SPAG16: variants seen among roughly 807,000 people sequenced by gnomAD.
SPAG16 encodes the protein sperm associated antigen 16.
A neutral mutation model predicts 80.4 loss-of-function variants in SPAG16; 86 were observed. The observed-to-expected ratio is 1.07, with a 90% CI of 0.90 to 1.28. The LOEUF is 1.28. Among genes scored for constraint, SPAG16 ranks in the 50% most tolerant of loss-of-function variants. The probability of loss-of-function intolerance (pLI) is 0.00; values close to 1 mark genes in which losing one functional copy is unlikely to be tolerated. For synonymous variants in SPAG16, 294 were observed against 265.9 expected, an observed-to-expected ratio of 1.11 and a Z score of -1.03; for missense variants, 870 against 765.3, an observed-to-expected ratio of 1.14 and a Z score of -1.61.
chr2:213,650,399 G>T (rs563463638), intron 10 of SPAG16, among the ~76,000 whole-genome samples: 1 of 152,018 alleles, frequency 6.6e-6, no homozygotes, highest in Non-Finnish European at 1.5e-5. Flanking sequence ...TCATTCTAAC[G>T]GTTACAAAGT....
chr2:214,397,085 C>T (rs1182083897), intron 15 of SPAG16, among the ~76,000 whole-genome samples: 1 of 151,414 alleles, frequency 6.6e-6, no homozygotes, highest in East Asian at 1.9e-4. Context: ...TGTATGAATG[C>T]CACTGAGATA....
At chr2:213,993,136 GAC>G (rs796566548) in intron 12 of SPAG16, among the ~76,000 whole-genome samples, 15 of 152,304 alleles carry the variant, frequency 9.8e-5, no homozygotes, top group African/African-American at 3.4e-4. Context: ...GAAACTAAGA[GAC>G]AGCTTACAGA....
intron 15 of SPAG16, among the ~76,000 whole-genome samples, chr2:214,258,287 C>T (rs1690846640): frequency 6.6e-6 from 1 of 151,934 alleles, no homozygotes; most frequent in Non-Finnish European, 1.5e-5. Flanking sequence ...TATATCATGC[C>T]TTTGCATCCT....
chr2:214,404,207 G>C (rs1301778188), intron 15 of SPAG16, among the ~76,000 whole-genome samples: 1 of 152,054 alleles, frequency 6.6e-6, no homozygotes, highest in Admixed American at 6.6e-5. Flanking sequence ...GCCATGCTAA[G>C]ATACTTGGAC....
At chr2:214,339,002 C>T (rs1299579461) in intron 15 of SPAG16, among the ~76,000 whole-genome samples, 1 of 152,082 alleles carries the variant, frequency 6.6e-6, no homozygotes, top group African/African-American at 2.4e-5. Context: ...GATATTTCTG[C>T]CAACAGAAAG....
At chr2:213,461,054 T>C (rs1352894767) in intron 9 of SPAG16, among the ~76,000 whole-genome samples, 1 of 152,186 alleles carries the variant, frequency 6.6e-6, no homozygotes, top group African/African-American at 2.4e-5. Context: ...AAACAGGACA[T>C]TCACTTGTGG....
intron 10 of SPAG16, among the ~76,000 whole-genome samples, chr2:213,630,383 C>CA (rs926318146): frequency 3.1e-3 from 337 of 109,630 alleles, no homozygotes; most frequent in East Asian, 6.6e-3. Flanking sequence ...GACTCCATCT[C>CA]AAAAAAAAAA....
rs1457751126 is a variant in SPAG16, at chr2:214,101,440, G to T, written c.1528-6756G>T. ...GTTTGTTTCTGCCAGAGGGAAAAGGGACTCCTGGAGGGCATTTGCACCTAT... is the reference window on the plus strand; with the variant it reads ...GTTTGTTTCTGCCAGAGGGAAAAGGTACTCCTGGAGGGCATTTGCACCTAT... On this transcript the variant is annotated intron_variant, in intron 13 of 15. Transcript: ENST00000331683. Among the ~76,000 whole-genome samples the T allele has an allele frequency of 3.3e-5, 5 of 151,970 alleles. No homozygotes were observed. The East Asian group carries it at 9.7e-4, about 29-fold the overall frequency.
chr2:213,661,381 ATGAT>A (rs1375359868), intron 10 of SPAG16, among the ~76,000 whole-genome samples: 4 of 152,234 alleles, frequency 2.6e-5, no homozygotes, highest in African/African-American at 9.6e-5. Context: ...TATTCTAATA[ATGAT>A]TAAGATACAA....
intron 10 of SPAG16, among the ~76,000 whole-genome samples, chr2:213,689,078 G>A (rs2064820901): frequency 6.6e-6 from 1 of 152,182 alleles, no homozygotes; most frequent in South Asian, 2.1e-4. Context: ...TCCTGCCTCA[G>A]CCTCCTGAGC....
chr2:214,216,368 C>G (rs1269594393), intron 15 of SPAG16, among the ~76,000 whole-genome samples: 2 of 152,164 alleles, frequency 1.3e-5, no homozygotes, highest in East Asian at 3.9e-4. Context: ...TGTCGCCAGG[C>G]TGGAATGCAG....
intron 10 of SPAG16, among the ~76,000 whole-genome samples, chr2:213,828,989 G>C (rs975613035): frequency 6.6e-5 from 10 of 152,260 alleles, no homozygotes; most frequent in African/African-American, 1.7e-4. Context: ...CCTAAAGCCA[G>C]CATAGTACTG....
intron 10 of SPAG16, among the ~76,000 whole-genome samples, chr2:213,687,255 T>G (rs2064725268): frequency 6.6e-6 from 1 of 152,162 alleles, no homozygotes; most frequent in African/African-American, 2.4e-5. Context: ...CATATTATTG[T>G]ATATATGTTA....
intron 15 of SPAG16, among the ~76,000 whole-genome samples, chr2:214,270,736 A>G (rs1214462998): frequency 6.6e-6 from 1 of 152,072 alleles, no homozygotes; most frequent in African/African-American, 2.4e-5. Context: ...AGCGCCCTAC[A>G]GTTCTTGGAT....
intron 9 of SPAG16, among the ~76,000 whole-genome samples, chr2:213,461,738 A>G (rs891733882): frequency 4.6e-5 from 7 of 152,176 alleles, no homozygotes; most frequent in African/African-American, 1.7e-4. Context: ...TAGGCAGTGG[A>G]ACATCCAGGT....
At chr2:213,909,843 A>G (rs1210841630) in intron 11 of SPAG16, among the ~76,000 whole-genome samples, 1 of 152,224 alleles carries the variant, frequency 6.6e-6, no homozygotes, top group African/African-American at 2.4e-5. Flanking sequence ...TACAGCCAGA[A>G]GTGCTGTATC....
chr2:214,149,171 G>T lies in SPAG16; in HGVS notation c.1625G>T (p.Gly542Val). The T allele has an allele frequency of 6.3e-7, 1 of 1,590,184 alleles. No homozygotes were observed. The highest frequency in any genetic ancestry group is 1.1e-5 in the South Asian group (1 of 89,482). ...ATGATAGCATCCTGTGATGCCTGTG[G>T]GGTTACAAAGCTGTGGGACTTTCGG... ...GHMIASCDAC[G>V]VTKLWDFRKL... is the part of the protein sequence containing the mutation. Residue 542 changes from glycine (G) to valine (V), a missense_variant, in exon 15 of 16, where the codon GGG (glycine) becomes GTG (valine). Transcript: ENST00000331683.
chr2:213,911,512 G>A lies in SPAG16; in HGVS notation c.1215-18448G>A, dbSNP rs1393678929. 2.0e-5 allele frequency among the ~76,000 whole-genome samples: 3 copies of A among 152,304 alleles called. No individual in the cohort carries two copies. The East Asian group carries it at 5.8e-4, about 29-fold the overall frequency. ...GAAAAATGCCAAGAATGCACATGAA[G>A]AGCATGTAATACGTGTAATGAAACC... On this transcript the variant is annotated intron_variant, in intron 11 of 15. Coordinates refer to ENST00000331683, the MANE Select transcript of SPAG16 (RefSeq NM_024532.5).
chr2:213,874,949 A>G lies in SPAG16; in HGVS notation c.1214+12321A>G, dbSNP rs12613522. Among the ~76,000 whole-genome samples, 2,488 of 152,114 alleles carry G rather than the reference A, an allele frequency of 0.016. 303 individuals are homozygous for G. In the East Asian group the frequency reaches 0.32, roughly 20 times the overall value. ...TTATTCCTGTCATCCTTATAGAAAT[A>G]TTATTTTTTAAGAAAGAGAATCTTG... On this transcript the variant is annotated intron_variant, in intron 11 of 15. Coordinates refer to ENST00000331683, the MANE Select transcript of SPAG16 (RefSeq NM_024532.5).
Sources: gnomAD v4.1 joint callset for allele counts (sites outside exome capture counted in the v4.1 genomes callset) on GRCh38, gnomAD v4.1.1 for gene constraint, MANE v1.5 for transcripts, NCBI Gene and HGNC (gene_info 2026-07-23, HGNC 2026-07-21) for gene names.